The following GRIA4 variants were observed in gnomAD, a reference collection of about 807,000 sequenced individuals.
GRIA4 encodes the protein glutamate ionotropic receptor AMPA type subunit 4, also known as glutamate receptor 4.
Under a neutral mutation model 104.0 loss-of-function variants are expected in GRIA4, and 34 were observed. The ratio of observed to expected loss-of-function variants is 0.33; its 90% CI spans 0.25 to 0.44. The LOEUF (loss-of-function observed/expected upper bound fraction) is 0.44. Ranked by LOEUF, GRIA4 falls within the 20% of genes least tolerant of loss-of-function variation. The pLI is 1.00. For synonymous variants in GRIA4, 386 were observed against 381.9 expected (o/e 1.01, Z -0.13); for missense variants, 750 against 1,096.5 (o/e 0.68, Z 4.46).
intron 16 of GRIA4, among the ~76,000 whole-genome samples, chr11:105,975,663 C>T (rs1858944812): frequency 1.3e-5 from 2 of 152,012 alleles, no homozygotes; most frequent in Non-Finnish European, 2.9e-5. Context: ...CTTTGAACTT[C>T]CAAGAGATAT....
At chr11:105,815,878 C>T (rs145859601) in intron 4 of GRIA4, among the ~76,000 whole-genome samples, 1 of 152,240 alleles carries the variant, frequency 6.6e-6, no homozygotes, top group African/African-American at 2.4e-5. Flanking sequence ...TAGTTTAATA[C>T]TGTGTCAAGA....
intron 13 of GRIA4, among the ~76,000 whole-genome samples, chr11:105,929,685 G>A (rs1486346466): frequency 2.0e-5 from 3 of 152,070 alleles, no homozygotes; most frequent in African/African-American, 4.8e-5. Flanking sequence ...ATGCATTGAT[G>A]AGCTGTCACT....
chr11:105,913,544 T>C, intron 10 of GRIA4: 1 of 821,924 alleles, frequency 1.2e-6, no homozygotes, highest in Non-Finnish European at 1.5e-6. Context: ...AAGTAATCAT[T>C]TCTGCAAATA....
chr11:105,620,502 C>A (rs962617522), intron 3 of GRIA4, among the ~76,000 whole-genome samples: 4 of 151,706 alleles, frequency 2.6e-5, no homozygotes, highest in African/African-American at 9.7e-5. Context: ...GACAAAATAC[C>A]CAACATTCAG....
At chr11:105,963,893 G>C (rs1448564130) in intron 14 of GRIA4, among the ~76,000 whole-genome samples, 1 of 151,980 alleles carries the variant, frequency 6.6e-6, no homozygotes, top group African/African-American at 2.4e-5. Flanking sequence ...TTTTATCAGA[G>C]GAATGGTCTA....
intron 7 of GRIA4, among the ~76,000 whole-genome samples, chr11:105,903,420 C>A (rs1407781976): frequency 6.6e-6 from 1 of 152,168 alleles, no homozygotes; most frequent in East Asian, 1.9e-4. Context: ...AGAGGCCCAG[C>A]CCTCCTGGGG....
intron 3 of GRIA4, among the ~76,000 whole-genome samples, chr11:105,711,025 C>T (rs916882900): frequency 4.0e-5 from 6 of 149,728 alleles, no homozygotes; most frequent in Admixed American, 6.7e-5. Context: ...GTTTGAAGAT[C>T]GTAAATACCA....
At chr11:105,669,502 T>C (rs1413043602) in intron 3 of GRIA4, among the ~76,000 whole-genome samples, 1 of 152,132 alleles carries the variant, frequency 6.6e-6, no homozygotes, top group Non-Finnish European at 1.5e-5. Context: ...TTGGAGTATT[T>C]CAACCACATT....
intron 4 of GRIA4, among the ~76,000 whole-genome samples, chr11:105,763,420 A>T (rs1323162631): frequency 6.6e-6 from 1 of 152,170 alleles, no homozygotes; most frequent in Non-Finnish European, 1.5e-5. Flanking sequence ...CTATTTTTTT[A>T]AAGTCTGTAA....
At chr11:105,800,201 T>C (rs1374596314) in intron 4 of GRIA4, among the ~76,000 whole-genome samples, 2 of 152,020 alleles carry the variant, frequency 1.3e-5, no homozygotes, top group African/African-American at 2.4e-5. Flanking sequence ...ATGGAGATTA[T>C]GGAGAACTGC....
intron 5 of GRIA4, among the ~76,000 whole-genome samples, chr11:105,879,084 G>C (rs140586833): frequency 2.4e-4 from 36 of 152,282 alleles, no homozygotes; most frequent in African/African-American, 7.9e-4. Flanking sequence ...CGTAGTATCT[G>C]GGACAGAATG....
At chr11:105,950,538 C>T (rs1948431476) in intron 14 of GRIA4, among the ~76,000 whole-genome samples, 1 of 124,768 alleles carries the variant, frequency 8.0e-6, no homozygotes, top group African/African-American at 3.1e-5. Context: ...TCAATAAGAA[C>T]TTTGTATGTA....
At chr11:105,689,313 C>G (rs1953003708) in intron 3 of GRIA4, among the ~76,000 whole-genome samples, 2 of 152,056 alleles carry the variant, frequency 1.3e-5, no homozygotes, top group East Asian at 1.9e-4. Context: ...GCTCAAATAG[C>G]CTTTGTCCAA....
chr11:105,668,239 A>ATATACACTATAT (rs1555095735), intron 3 of GRIA4, among the ~76,000 whole-genome samples: 3 of 136,638 alleles, frequency 2.2e-5, no homozygotes, highest in African/African-American at 8.1e-5. Context: ...ATATATATAT[A>ATATACACTATAT]TATATATACT....
intron 3 of GRIA4, among the ~76,000 whole-genome samples, chr11:105,627,048 A>G (rs1950903547): frequency 6.6e-6 from 1 of 152,192 alleles, no homozygotes; most frequent in East Asian, 1.9e-4. Flanking sequence ...ACAGGAAAAC[A>G]CTGCTGTTCA....
chr11:105,653,128 G>A lies in GRIA4; in HGVS notation c.247+40694G>A, dbSNP rs1951731279. Among the ~76,000 whole-genome samples, 3 of 152,150 alleles carry A rather than the reference G, an allele frequency of 2.0e-5. No individual in the cohort carries two copies. In the South Asian group the frequency reaches 6.2e-4, roughly 31 times the overall value. ...GGGTTTCACCGTGCTAGCCAGGATG[G>A]TCTCGATCTCCTGACCTTGTGATCT... On this transcript the variant is annotated intron_variant, in intron 3 of 16. Coordinates refer to ENST00000282499, the MANE Select transcript of GRIA4 (RefSeq NM_000829.4).
intron 4 of GRIA4, among the ~76,000 whole-genome samples, chr11:105,854,115 C>T (rs1374168830): frequency 6.6e-6 from 1 of 152,124 alleles, no homozygotes; most frequent in Non-Finnish European, 1.5e-5. Context: ...AACAAGCCTC[C>T]TGACTTCATG....
intron 13 of GRIA4, among the ~76,000 whole-genome samples, chr11:105,929,204 G>A (rs1372609805): frequency 6.6e-6 from 1 of 152,020 alleles, no homozygotes; most frequent in African/African-American, 2.4e-5. Flanking sequence ...CTGATGGGCT[G>A]AGGAAACCAG....
At chr11:105,750,691 ACT>A (rs1191463896) in intron 3 of GRIA4, among the ~76,000 whole-genome samples, 1 of 152,172 alleles carries the variant, frequency 6.6e-6, no homozygotes, top group Admixed American at 6.5e-5. Context: ...GAGTAGATGG[ACT>A]TTATGTATAG....
Sources: allele counts gnomAD v4.1 joint callset (sites outside exome capture counted in the v4.1 genomes callset), GRCh38; gene constraint gnomAD v4.1.1; transcripts MANE v1.5; gene names NCBI Gene and HGNC (gene_info 2026-07-23, HGNC 2026-07-21).